The following RNF213 variants were observed in gnomAD, a reference collection of about 807,000 sequenced individuals.
The protein encoded by RNF213 is ring finger protein 213.
A neutral mutation model predicts 514.4 loss-of-function variants in RNF213; 341 were observed. The ratio of observed to expected loss-of-function variants is 0.66; its 90% CI spans 0.61 to 0.73. The LOEUF (loss-of-function observed/expected upper bound fraction) is 0.73, where lower values mean the gene tolerates loss of function less well. Among genes scored for constraint, RNF213 ranks in the 30% least tolerant of loss-of-function variants. The pLI is 0.00. For missense variants in RNF213, 5,767 were observed against 6,615.6 expected (o/e 0.87, Z 4.45); for synonymous variants, 2,655 against 2,658.2 (o/e 1.00, Z 0.04).
In RNF213 at chr17:80,386,749, G is replaced by T. The variant is rs371045041; in HGVS notation, c.14780G>T (p.Arg4927Leu). ...CATGTCATCAGTTATGAAGTGGAGCGGGACCTGACTCCACTGATTCTCTCC... is the reference window on the plus strand; with the variant it reads ...CATGTCATCAGTTATGAAGTGGAGCTGGACCTGACTCCACTGATTCTCTCC... ...ELHVISYEVE[R>L]DLTPLILSNC... The change falls in exon 63 of 68, where the codon CGG becomes CTG. Residue 4927 changes from arginine (R) to leucine (L), a missense_variant. Transcript: ENST00000582970. The T allele has an allele frequency of 1.2e-6, 2 of 1,614,032 alleles. No individual in the cohort carries two copies. The highest frequency in any genetic ancestry group is 1.7e-6 in the Non-Finnish European group (2 of 1,179,998).
chr17:80,367,784 C>A lies in RNF213; in HGVS notation c.11908C>A (p.Pro3970Thr), dbSNP rs867642861. 6.2e-7 allele frequency: 1 copy of A among 1,614,236 alleles called. No individual in the cohort carries two copies. Among genetic ancestry groups the A allele is most frequent in the Non-Finnish European group, 8.5e-7 (1 of 1,180,030 alleles). ...RENSDVKTHGPFEAVMRTLCE... is the reference protein window; with the variant it reads ...RENSDVKTHGTFEAVMRTLCE... ...GAACTCTGACGTGAAGACGCACGGGCCTTTTGAGGCCGTGATGCGCACTCT... is the reference window on the plus strand; with the variant it reads ...GAACTCTGACGTGAAGACGCACGGGACTTTTGAGGCCGTGATGCGCACTCT... Residue 3970 changes from proline (P) to threonine (T), a missense_variant, in exon 43 of 68, where the codon CCT becomes ACT. Physicochemically the swap from Pro to Thr is conservative, Grantham distance 38. Coordinates refer to ENST00000582970, the MANE Select transcript of RNF213 (RefSeq NM_001256071.3).
chr17:80,339,739 C>T lies in RNF213; in HGVS notation c.5372C>T (p.Ala1791Val). The change falls in exon 26 of 68, where the codon GCC becomes GTC. Residue 1791 changes from alanine (A) to valine (V), a missense_variant. Ala to Val is a moderately conservative substitution (Grantham distance 64). Transcript: ENST00000582970. ...GAGCAGTCCATGAGGTGCCTTCCTG[C>T]CTTCCTGCCCGACTGCCTCGACCTA... ...IMEQSMRCLP[A>V]FLPDCLDLET... The T allele has an allele frequency of 1.3e-6, 2 of 1,537,160 alleles. No individual in the cohort carries two copies. Among genetic ancestry groups the T allele is most frequent in the South Asian group, 1.2e-5 (1 of 84,052 alleles).
At chr17:80,369,422 G>A in intron 44 of RNF213, 80 bp from the exon 45 acceptor site, 1 of 1,178,096 alleles carries the variant, frequency 8.5e-7, no homozygotes, top group Admixed American at 1.8e-5. Flanking sequence ...AAAGTGAAAT[G>A]CTGTGCAAAT....
intron 46 of RNF213, chr17:80,371,619 G>T (rs937422248): frequency 1.8e-5 from 6 of 330,476 alleles, no homozygotes; most frequent in Admixed American, 9.1e-5. Context: ...AGCTCTTCGG[G>T]GTTCTCAATT....
At chr17:80,299,407 C>T (rs919043497) in intron 11 of RNF213, among the ~76,000 whole-genome samples, 3 of 152,222 alleles carry the variant, frequency 2.0e-5, no homozygotes, top group Admixed American at 6.5e-5. Context: ...ATTGTGAACT[C>T]TAAACCATTT....
intron 17 of RNF213, chr17:80,320,435 C>CACT: frequency 1.3e-5 from 2 of 152,182 alleles, no homozygotes; most frequent in African/African-American, 4.8e-5. Flanking sequence ...TCACCGCAAC[C>CACT]GCTGCCTCCC....
At chr17:80,376,113 G>A (rs1365451974) in intron 51 of RNF213, among the ~76,000 whole-genome samples, 188 bp from the exon 52 acceptor site, 1 of 152,154 alleles carries the variant, frequency 6.6e-6, no homozygotes, top group Non-Finnish European at 1.5e-5. Context: ...CAAAATTAAT[G>A]CTTACGTATG....
At chr17:80,303,278 G>T (rs901042081) in intron 11 of RNF213, among the ~76,000 whole-genome samples, 2 of 152,198 alleles carry the variant, frequency 1.3e-5, no homozygotes, top group Non-Finnish European at 2.9e-5. Flanking sequence ...TGAAGGTAGG[G>T]TAGGAGAACA....
At chr17:80,319,504 C>T (rs1384433525) in intron 17 of RNF213, 192 bp downstream of exon 17, 3 of 1,613,778 alleles carry the variant, frequency 1.9e-6, no homozygotes, top group Non-Finnish European at 2.5e-6. Context: ...CCTCAGTGTG[C>T]TGCACAGTCC....
At chr17:80,268,096 T>C (rs79695842) in intron 2 of RNF213, among the ~76,000 whole-genome samples, 2,884 of 152,164 alleles carry the variant, frequency 0.019, 57 homozygotes, top group East Asian at 0.11. Flanking sequence ...ACCGGGGCTA[T>C]AGGCATGAAC....
At position 80,376,804 on chromosome 17, in the gene RNF213, C is replaced by T. The variant is rs572380913; in HGVS notation, c.13429-78C>T. ...GGAAAGCAGAGTTCCCTTTCTTCCT[C>T]TAGGCCTCCTGCTGAGCAGCAGCAC... On this transcript the variant is annotated intron_variant, in intron 52 of 67. Coordinates refer to ENST00000582970, the MANE Select transcript of RNF213 (RefSeq NM_001256071.3). 9 of 1,302,148 alleles carry T rather than the reference C, an allele frequency of 6.9e-6. No homozygotes were observed. The South Asian group carries it at 1.1e-4, about 16-fold the overall frequency. 80.7% of individuals were successfully genotyped at this position (1,302,148 alleles called of 1,614,324 possible).
In RNF213 at chr17:80,323,835, G is replaced by T. The variant is rs57535730; in HGVS notation, c.3025-1195G>T. The stretch of plus-strand genomic sequence containing the variant: ...GTTAAATTTCTAAGTACTTTTTTTT[G>T]GGGGGGGGTGCTATTGTAATTGGAA... On this transcript the variant is annotated intron_variant, in intron 17 of 67. Coordinates refer to ENST00000582970, the MANE Select transcript of RNF213 (RefSeq NM_001256071.3). 4.1e-3 allele frequency among the ~76,000 whole-genome samples: 315 copies of T among 77,200 alleles called. 4 individuals carry two copies. The highest frequency in any genetic ancestry group is 0.019 in the African/African-American group (237 of 12,494). 50.6% of individuals were successfully genotyped at this position (77,200 alleles called of 152,430 possible).
At position 80,377,597 on chromosome 17, in the gene RNF213, G is replaced by C. The variant is rs2079812763; in HGVS notation, c.13511-165G>C. 4 of 769,848 alleles carry C rather than the reference G, an allele frequency of 5.2e-6. No homozygotes were observed. The Admixed American group carries it at 7.2e-5, about 14-fold the overall frequency. 47.7% of individuals were successfully genotyped at this position (769,848 alleles called of 1,614,324 possible). A position where few individuals can be genotyped will look rare whatever the true frequency, so the allele number is the denominator to read the frequency against. ...TTCACTGACAACATACATTTATTAAGCTTCAGGCAGGTGTCATGTAACTTA... is the reference window on the plus strand; with the variant it reads ...TTCACTGACAACATACATTTATTAACCTTCAGGCAGGTGTCATGTAACTTA... On this transcript the variant is annotated intron_variant, in intron 53 of 67. Coordinates refer to ENST00000582970, the MANE Select transcript of RNF213 (RefSeq NM_001256071.3). The surrounding 1 kb of genome is among the most constrained non-coding windows in gnomAD (Gnocchi z 4.1).
rs778357637 is a variant in RNF213, at chr17:80,334,171, A to G, written c.4210A>G (p.Lys1404Glu). ...DQINQELIQA[K>E]KLLQDISEAR... ...GATCAACCAGGAGCTCATCCAGGCC[A>G]AAAAGCTGCTCCAGGACATCAGCGA... The change falls in exon 22 of 68, where the codon AAA becomes GAA. Residue 1404 changes from lysine (K) to glutamate (E), a missense_variant. By Grantham distance (56) the Lys-to-Glu change is moderately conservative. This residue lies in a region of RNF213 where 516 missense variants were observed against 566.5 expected (regional missense o/e 0.91). Coordinates refer to ENST00000582970, the MANE Select transcript of RNF213 (RefSeq NM_001256071.3). 64 of 1,537,108 alleles carry G rather than the reference A, an allele frequency of 4.2e-5. No homozygotes were observed. Among genetic ancestry groups the G allele is most frequent in the Non-Finnish European group, 5.5e-5 (63 of 1,146,894 alleles).
chr17:80,374,460 G>A lies in RNF213; in HGVS notation c.12945G>A (p.Gly4315=). The A allele has an allele frequency of 6.2e-7, 1 of 1,614,148 alleles. No individual in the cohort carries two copies. The highest frequency in any genetic ancestry group is 8.5e-7 in the Non-Finnish European group (1 of 1,180,010). Residue 4315 remains glycine (G), a splice_region_variant and synonymous_variant, in exon 50 of 68, where the codon GGG becomes GGA. Transcript: ENST00000582970. Reference sequence around the variant, plus strand: ...CCCAACTAACCTCTGTATTCCAGGGGCTGCGGCAGGACCACCCAGGCCAGA... The same window carrying A: ...CCCAACTAACCTCTGTATTCCAGGGACTGCGGCAGGACCACCCAGGCCAGA... The part of the protein sequence containing the change: ...VFPKDVVKQQ[G]LRQDHPGQMD...
Position 80,290,615 on chromosome 17 carries a change from C to T in RNF213, c.1158C>T (p.Ile386=), listed in dbSNP as rs766306845. The change falls in exon 7 of 68, where the codon ATC becomes ATT. Residue 386 remains isoleucine, a synonymous_variant. Coordinates refer to ENST00000582970, the MANE Select transcript of RNF213 (RefSeq NM_001256071.3). ...GAGTCACCGTGTTCTTCCACGCCAT[C>T]ATCTCTCTTCATTTCCCATTCAATC... ...GGGVTVFFHA[I]ISLHFPFNPD... The T allele has an allele frequency of 3.1e-6, 5 of 1,614,068 alleles. No individual in the cohort carries two copies. The Admixed American group carries it at 8.3e-5, about 27-fold the overall frequency.
chr17:80,264,178 C>T lies in RNF213; in HGVS notation c.97+400C>T, dbSNP rs2043528474. ...AGTTTCATTTCCTAGAGAGAGCTCA[C>T]GGTTTTTCTTCCCCTTGGGAATGAG... On this transcript the variant is annotated intron_variant, in intron 2 of 67. Transcript: ENST00000582970. This position sits in a 1 kb window ranked among gnomAD's most constrained non-coding sequence, Gnocchi z 5.0. Among the ~76,000 whole-genome samples the T allele has an allele frequency of 6.6e-6, 1 of 152,198 alleles. No individual in the cohort carries two copies. The highest frequency in any genetic ancestry group is 6.5e-5 in the Admixed American group (1 of 15,282).
chr17:80,327,347 A>G (rs967316595), intron 18 of RNF213, among the ~76,000 whole-genome samples: 3 of 152,202 alleles, frequency 2.0e-5, no homozygotes, highest in African/African-American at 4.8e-5. Flanking sequence ...AAAAATTTTG[A>G]AAGTTTGCCA....
intron 7 of RNF213, among the ~76,000 whole-genome samples, chr17:80,290,939 G>T (rs1381966730): frequency 2.6e-5 from 4 of 151,968 alleles, no homozygotes; most frequent in Non-Finnish European, 5.9e-5. Context: ...CTCCCAAGTA[G>T]CTGGGACTAC....
Sources: allele counts gnomAD v4.1 joint callset (sites outside exome capture counted in the v4.1 genomes callset), GRCh38; gene constraint gnomAD v4.1.1; regional missense constraint gnomAD v4.1.1; non-coding constraint Gnocchi (gnomAD v3.1); transcripts MANE v1.5; gene names NCBI Gene and HGNC (gene_info 2026-07-23, HGNC 2026-07-21).